Variants in PTPN1 observed in about 807,000 individuals in gnomAD.
PTPN1 encodes protein tyrosine phosphatase non-receptor type 1.
Under a neutral mutation model 59.9 loss-of-function variants are expected in PTPN1, and 12 were observed. The observed-to-expected ratio is 0.20, with a 90% confidence interval of 0.13 to 0.32. PTPN1 has a LOEUF of 0.32. PTPN1 is among the 10% of genes least tolerant of loss of function. PTPN1 has a pLI of 1.00. For synonymous variants in PTPN1, 178 were observed against 203.6 expected, an observed-to-expected ratio of 0.87 and a Z score of 1.07; for missense variants, 356 against 549.2, an observed-to-expected ratio of 0.65 and a Z score of 3.52.
intron 1 of PTPN1, among the ~76,000 whole-genome samples, chr20:50,535,101 C>T (rs1020188535): frequency 6.6e-6 from 1 of 152,216 alleles, no homozygotes; most frequent in Admixed American, 6.5e-5. Flanking sequence ...TCAGGCCCTT[C>T]TCATCTGTGG....
intron 5 of PTPN1, 149 bp downstream of exon 5, chr20:50,574,803 C>T: frequency 9.8e-7 from 1 of 1,016,914 alleles, no homozygotes; most frequent in Non-Finnish European, 1.4e-6. Context: ...GTGAGCGGAG[C>T]TTACTTGTGT....
chr20:50,566,756 T>C (rs2082781048), intron 3 of PTPN1, among the ~76,000 whole-genome samples: 1 of 152,142 alleles, frequency 6.6e-6, no homozygotes, highest in South Asian at 2.1e-4. Context: ...GTGGTGCGTG[T>C]CCTTGCAGAT....
chr20:50,583,018 G>A lies in PTPN1; in HGVS notation c.*303G>A, dbSNP rs1188963715. On this transcript the variant is annotated 3_prime_UTR_variant, in exon 10 of 10. Transcript: ENST00000371621. The stretch of plus-strand genomic sequence containing the variant: ...GGGGCCTACACCCGTCTTGGGGCTC[G>A]CCCCACCCAGGGCTCCCTCCTGGAG... 4 of 433,488 alleles carry A rather than the reference G, an allele frequency of 9.2e-6. No individual in the cohort carries two copies. Among genetic ancestry groups the A allele is most frequent in the Non-Finnish European group, 1.3e-5 (3 of 238,698 alleles). The allele number at this position is 433,488 out of a possible 1,614,324, so 26.9% of individuals were successfully genotyped here. A position where few individuals can be genotyped will look rare whatever the true frequency, so the allele number is the denominator to read the frequency against.
At chr20:50,511,164 A>T (rs1320486937) in intron 1 of PTPN1, among the ~76,000 whole-genome samples, 1 of 152,094 alleles carries the variant, frequency 6.6e-6, no homozygotes, top group Non-Finnish European at 1.5e-5. Flanking sequence ...TAGGCATTGG[A>T]GGTGGTGTTT....
At chr20:50,556,354 A>G (rs1354483087) in intron 1 of PTPN1, among the ~76,000 whole-genome samples, 1 of 151,842 alleles carries the variant, frequency 6.6e-6, no homozygotes, top group African/African-American at 2.4e-5. Flanking sequence ...ACACCCGGCT[A>G]TTTTTTTAAA....
At chr20:50,571,725 A>C (rs2082809469) in intron 4 of PTPN1, 1 of 152,234 alleles carries the variant, frequency 6.6e-6, no homozygotes, top group Non-Finnish European at 1.5e-5. Context: ...CCAGATGGCT[A>C]GAGTTCTCAC....
intron 1 of PTPN1, among the ~76,000 whole-genome samples, chr20:50,551,707 G>A (rs2082702884): frequency 6.6e-6 from 1 of 152,206 alleles, no homozygotes; most frequent in African/African-American, 2.4e-5. Flanking sequence ...TTTGTTACCT[G>A]TTGATACTAT....
At chr20:50,581,517 C>A in intron 9 of PTPN1, 57 bp downstream of exon 9, 1 of 1,524,914 alleles carries the variant, frequency 6.6e-7, no homozygotes, top group Non-Finnish European at 8.9e-7. Flanking sequence ...GAGCACTGGC[C>A]GCTAGCCCGA....
At chr20:50,581,519 C>T in intron 9 of PTPN1, 59 bp downstream of exon 9, 2 of 1,520,678 alleles carry the variant, frequency 1.3e-6, no homozygotes, top group South Asian at 2.5e-5. Context: ...GCACTGGCCG[C>T]TAGCCCGATG....
At chr20:50,525,493 G>A (rs2082570688) in intron 1 of PTPN1, among the ~76,000 whole-genome samples, 1 of 152,144 alleles carries the variant, frequency 6.6e-6, no homozygotes, top group Admixed American at 6.5e-5. Flanking sequence ...TGCCATATAT[G>A]CCATATAGAT....
At chr20:50,524,762 G>C (rs534301448) in intron 1 of PTPN1, among the ~76,000 whole-genome samples, 4 of 151,500 alleles carry the variant, frequency 2.6e-5, no homozygotes, top group Non-Finnish European at 5.9e-5. Flanking sequence ...ATTTTTGGTA[G>C]AGAAGGGTTT....
Position 50,510,641 on chromosome 20 carries a change from CA to C in PTPN1, c.63+52del, listed in dbSNP as rs1457330380. ...GGGCCCTTCGCTTAGGCCGCTTGAA[CA>C]TCCCCTCAGACCTCCAGGCCCCAGA... On this transcript the variant is annotated intron_variant, in intron 1 of 9. Transcript: ENST00000371621. 2.0e-6 allele frequency: 3 copies of C among 1,535,202 alleles called. No homozygotes were observed. In the Admixed American group the frequency reaches 6.0e-5, roughly 31 times the overall value.
intron 1 of PTPN1, among the ~76,000 whole-genome samples, chr20:50,557,180 A>G (rs1386780048): frequency 1.3e-5 from 2 of 152,164 alleles, no homozygotes; most frequent in East Asian, 1.9e-4. Context: ...CAGCTTGTAT[A>G]TATCTCCATA....
At chr20:50,575,452 C>T (rs2082832138) in intron 5 of PTPN1, among the ~76,000 whole-genome samples, 1 of 152,136 alleles carries the variant, frequency 6.6e-6, no homozygotes, top group Non-Finnish European at 1.5e-5. Context: ...GAAGGGTTAG[C>T]AGTTACCATG....
At chr20:50,577,659 A>T (rs1015978576) in intron 5 of PTPN1, 1 of 152,306 alleles carries the variant, frequency 6.6e-6, no homozygotes, top group Non-Finnish European at 1.5e-5. Context: ...GGGCAGACCC[A>T]GCCACGGAAG....
chr20:50,562,251 C>T (rs947932644), intron 2 of PTPN1, among the ~76,000 whole-genome samples: 2 of 152,192 alleles, frequency 1.3e-5, no homozygotes, highest in Non-Finnish European at 2.9e-5. Context: ...AGAAGATTCT[C>T]CAGTCATTCC....
At chr20:50,562,744 C>CA (rs1217980773) in intron 2 of PTPN1, among the ~76,000 whole-genome samples, 2 of 152,134 alleles carry the variant, frequency 1.3e-5, no homozygotes, top group Non-Finnish European at 2.9e-5. Flanking sequence ...AAAACAAAAA[C>CA]AAAAAACCTT....
At chr20:50,554,518 A>T (rs1450236703) in intron 1 of PTPN1, among the ~76,000 whole-genome samples, 6 of 152,232 alleles carry the variant, frequency 3.9e-5, no homozygotes, top group African/African-American at 1.4e-4. Flanking sequence ...GAGAAATGAT[A>T]AAAGATGGAA....
At chr20:50,552,737 CT>C (rs1216974564) in intron 1 of PTPN1, among the ~76,000 whole-genome samples, 1 of 148,348 alleles carries the variant, frequency 6.7e-6, no homozygotes, top group Non-Finnish European at 1.5e-5. Flanking sequence ...TATACCTGTT[CT>C]GGGATCCAGC....
Sources: gnomAD v4.1 joint callset for allele counts (sites outside exome capture counted in the v4.1 genomes callset) on GRCh38, gnomAD v4.1.1 for gene constraint, MANE v1.5 for transcripts, NCBI Gene and HGNC (gene_info 2026-07-23, HGNC 2026-07-21) for gene names.